The following RALYL variants were observed in gnomAD, a reference collection of about 807,000 sequenced individuals.
The protein encoded by RALYL is RALY RNA binding protein like.
In RALYL, 29 loss-of-function variants were observed where a neutral mutation model predicts 35.1. That is an observed-to-expected ratio of 0.83 (90% CI 0.61 to 1.13). The LOEUF (loss-of-function observed/expected upper bound fraction) is 1.13, where lower values mean the gene tolerates loss of function less well. Among genes scored for constraint, RALYL ranks in the 50% most tolerant of loss-of-function variants. The pLI, the probability that RALYL is intolerant of heterozygous loss-of-function variation, is 0.00. For synonymous variants in RALYL, 120 were observed against 127.6 expected (o/e 0.94, Z 0.40); for missense variants, 359 against 360.4 (o/e 1.00, Z 0.03).
chr8:84,234,467 T>C (rs1826037878), intron 1 of RALYL, among the ~76,000 whole-genome samples: 1 of 152,222 alleles, frequency 6.6e-6, no homozygotes, highest in Non-Finnish European at 1.5e-5. Flanking sequence ...TACAATGTGA[T>C]ATAAGGATTA....
At chr8:84,184,927 C>G in intron 1 of RALYL, 1 of 1,592,116 alleles carries the variant, frequency 6.3e-7, no homozygotes, top group South Asian at 1.1e-5. Context: ...CGAGCCGGAG[C>G]TGGAGACATT....
intron 1 of RALYL, among the ~76,000 whole-genome samples, chr8:84,478,610 G>A (rs1424857470): frequency 6.6e-6 from 1 of 151,994 alleles, no homozygotes; most frequent in Admixed American, 6.6e-5. Context: ...CCTGGGTATC[G>A]ATACTGCTCC....
intron 1 of RALYL, among the ~76,000 whole-genome samples, chr8:84,420,504 C>T (rs1259191363): frequency 1.3e-5 from 2 of 149,680 alleles, no homozygotes; most frequent in Non-Finnish European, 3.0e-5. Flanking sequence ...GTTGCCTGTT[C>T]ACTCTGATGG....
At chr8:84,602,450 G>C (rs887957581) in intron 2 of RALYL, among the ~76,000 whole-genome samples, 3 of 152,036 alleles carry the variant, frequency 2.0e-5, no homozygotes, top group Non-Finnish European at 4.4e-5. Context: ...AATTACTGCA[G>C]TCAGACCCTT....
At chr8:84,236,600 G>C (rs1203669213) in intron 1 of RALYL, among the ~76,000 whole-genome samples, 2 of 152,120 alleles carry the variant, frequency 1.3e-5, no homozygotes, top group African/African-American at 4.8e-5. Context: ...TGTGCTGAAA[G>C]GAAAAGAGAT....
At chr8:84,491,859 T>A (rs1027079495) in intron 1 of RALYL, among the ~76,000 whole-genome samples, 3 of 151,938 alleles carry the variant, frequency 2.0e-5, no homozygotes, top group Admixed American at 6.6e-5. Flanking sequence ...CACTTGTAGG[T>A]TTCTTTCCAA....
intron 1 of RALYL, among the ~76,000 whole-genome samples, chr8:84,419,461 C>T (rs1054052491): frequency 4.6e-5 from 7 of 152,056 alleles, no homozygotes; most frequent in African/African-American, 1.4e-4. Context: ...ATCCCTAAAA[C>T]TTGTCTTCAT....
intron 1 of RALYL, among the ~76,000 whole-genome samples, chr8:84,383,788 A>C (rs530386918): frequency 6.6e-6 from 1 of 151,466 alleles, no homozygotes; most frequent in East Asian, 2.0e-4. Context: ...ACATTAAAAA[A>C]AAAAAAAAAG....
At chr8:84,473,055 T>C (rs921652487) in intron 1 of RALYL, among the ~76,000 whole-genome samples, 1 of 152,140 alleles carries the variant, frequency 6.6e-6, no homozygotes, top group Non-Finnish European at 1.5e-5. Flanking sequence ...TGTAGTTCTT[T>C]ACATTTTTGT....
At chr8:84,366,147 C>T (rs1854220977) in intron 1 of RALYL, among the ~76,000 whole-genome samples, 1 of 152,160 alleles carries the variant, frequency 6.6e-6, no homozygotes, top group African/African-American at 2.4e-5. Context: ...TCAGATTCTG[C>T]TGTGGAAGGG....
chr8:84,725,617 TAGTTG>T (rs1367834694), intron 2 of RALYL, among the ~76,000 whole-genome samples: 2 of 151,754 alleles, frequency 1.3e-5, no homozygotes, highest in Admixed American at 6.6e-5. Flanking sequence ...CAGCATGTTC[TAGTTG>T]AGTTCTCACA....
intron 1 of RALYL, among the ~76,000 whole-genome samples, chr8:84,197,651 G>A (rs771720825): frequency 1.1e-4 from 16 of 151,770 alleles, no homozygotes; most frequent in South Asian, 2.1e-4. Flanking sequence ...TTTTGGGGCC[G>A]GGCGCGGTGG....
At chr8:84,471,101 C>T (rs980380884) in intron 1 of RALYL, among the ~76,000 whole-genome samples, 6 of 152,182 alleles carry the variant, frequency 3.9e-5, no homozygotes, top group Middle Eastern at 3.4e-3. Context: ...AAGAGTTTAT[C>T]GAAAGAATGA....
intron 2 of RALYL, among the ~76,000 whole-genome samples, chr8:84,693,940 C>T (rs186500980): frequency 6.6e-6 from 1 of 151,660 alleles, no homozygotes; most frequent in Non-Finnish European, 1.5e-5. Flanking sequence ...AAAAAGCTCT[C>T]AACAAATTAG....
At chr8:84,232,208 A>G (rs7813525) in intron 1 of RALYL, among the ~76,000 whole-genome samples, 15,262 of 152,122 alleles carry the variant, frequency 0.1, 1,058 homozygotes, top group African/African-American at 0.2. Flanking sequence ...AGTAAATTAT[A>G]CCAAAGACAG....
chr8:84,808,990 C>T (rs1825304907), intron 4 of RALYL, among the ~76,000 whole-genome samples: 1 of 151,950 alleles, frequency 6.6e-6, no homozygotes, highest in Admixed American at 6.6e-5. Flanking sequence ...ATTTAGATGC[C>T]CTTTATTTCT....
chr8:84,321,452 T>C (rs1337490359), intron 1 of RALYL, among the ~76,000 whole-genome samples: 1 of 152,090 alleles, frequency 6.6e-6, no homozygotes, highest in Non-Finnish European at 1.5e-5. Flanking sequence ...CACAAGGTAA[T>C]TTTAATAAGT....
intron 1 of RALYL, chr8:84,185,187 T>C (rs1413673205): frequency 5.0e-5 from 35 of 696,142 alleles, no homozygotes; most frequent in Non-Finnish European, 2.6e-6. Flanking sequence ...GGGTTTAATG[T>C]TGAGGACGAC....
intron 1 of RALYL, among the ~76,000 whole-genome samples, chr8:84,193,751 A>G (rs1586066209): frequency 1.3e-5 from 2 of 152,192 alleles, no homozygotes; most frequent in South Asian, 2.1e-4. Flanking sequence ...ACTTTAGTCA[A>G]CACAGTTACA....
Sources: gnomAD v4.1 joint callset for allele counts (sites outside exome capture counted in the v4.1 genomes callset) on GRCh38, gnomAD v4.1.1 for gene constraint, MANE v1.5 for transcripts, NCBI Gene and HGNC (gene_info 2026-07-23, HGNC 2026-07-21) for gene names.